CACNA1E: variants seen among roughly 807,000 people sequenced by gnomAD.
The protein encoded by CACNA1E is calcium voltage-gated channel subunit alpha1 E, also known as voltage-dependent R-type calcium channel subunit alpha-1E.
Under a neutral mutation model 259.2 loss-of-function variants are expected in CACNA1E, and 40 were observed. That is an observed-to-expected ratio of 0.15 (90% CI 0.12 to 0.20). The LOEUF is 0.20. Ranked by LOEUF, CACNA1E falls within the 10% of genes least tolerant of loss-of-function variation. CACNA1E has a pLI of 1.00. For synonymous variants in CACNA1E, 1,104 were observed against 1,138.5 expected, an observed-to-expected ratio of 0.97 and a Z score of 0.61; for missense variants, 1,874 against 3,040.1, an observed-to-expected ratio of 0.62 and a Z score of 9.02.
At chr1:181,788,627 G>A (rs1485279133) in intron 43 of CACNA1E, among the ~76,000 whole-genome samples, 1 of 152,154 alleles carries the variant, frequency 6.6e-6, no homozygotes, top group Non-Finnish European at 1.5e-5. Flanking sequence ...CGCCATGTCT[G>A]GAGTTCAGGG....
intron 1 of CACNA1E, among the ~76,000 whole-genome samples, chr1:181,348,607 G>C (rs1184011559): frequency 7.0e-6 from 1 of 142,150 alleles, no homozygotes; most frequent in Non-Finnish European, 1.6e-5. Flanking sequence ...GTGTTGGGTG[G>C]GTGTATTGTT....
Position 181,733,498 on chromosome 1 carries a change from AC to A in CACNA1E, c.3016del (p.Leu1006Ter). ...GLAGGLDEAD[T>X]PLVLPHPELE... ...GGCAGGAGGCCTTGATGAGGCTGAC[AC>A]CCCCCTAGTCCTGCCCCATCCTGAG... is the stretch of plus-strand genomic sequence containing the variant. On this transcript the variant is annotated frameshift_variant, in exon 21 of 48. Transcript: ENST00000367573. LOFTEE classifies it high-confidence loss of function. 1 of 1,589,156 alleles carries A rather than the reference AC, an allele frequency of 6.3e-7. No individual in the cohort carries two copies. The highest frequency in any genetic ancestry group is 8.6e-7 in the Non-Finnish European group (1 of 1,166,480).
chr1:181,435,676 T>C (rs540896851), intron 2 of CACNA1E, among the ~76,000 whole-genome samples: 1 of 152,316 alleles, frequency 6.6e-6, no homozygotes, highest in East Asian at 1.9e-4. Context: ...AGGCTCCCAA[T>C]ATATATTATT....
chr1:181,593,620 C>A (rs1473331045), intron 6 of CACNA1E, among the ~76,000 whole-genome samples: 2 of 152,130 alleles, frequency 1.3e-5, no homozygotes, highest in African/African-American at 4.8e-5. Context: ...TTCACTGCAA[C>A]CTCCTCCGCT....
chr1:181,787,162 C>T (rs915683584), intron 43 of CACNA1E, among the ~76,000 whole-genome samples: 6 of 152,152 alleles, frequency 3.9e-5, no homozygotes, highest in Admixed American at 2.6e-4. Flanking sequence ...CTCTGTTGCC[C>T]AGGCTGGAGT....
At chr1:181,393,748 G>A (rs1158071609) in intron 1 of CACNA1E, among the ~76,000 whole-genome samples, 1 of 152,168 alleles carries the variant, frequency 6.6e-6, no homozygotes, top group African/African-American at 2.4e-5. Context: ...GTGTGCCCCC[G>A]TGCCTGGCCA....
chr1:181,363,459 T>G (rs1443028239), intron 1 of CACNA1E, among the ~76,000 whole-genome samples: 2 of 152,122 alleles, frequency 1.3e-5, no homozygotes, highest in Admixed American at 6.5e-5. Context: ...AAATAAAGAT[T>G]GATATGCAAA....
intron 2 of CACNA1E, among the ~76,000 whole-genome samples, chr1:181,437,714 C>G (rs1660186509): frequency 2.6e-5 from 4 of 152,198 alleles, no homozygotes; most frequent in Admixed American, 2.6e-4. Flanking sequence ...ATTCCAGTCT[C>G]TGTTGCTGGT....
chr1:181,642,754 T>A (rs115042647), intron 6 of CACNA1E, among the ~76,000 whole-genome samples: 1 of 152,340 alleles, frequency 6.6e-6, no homozygotes, highest in Non-Finnish European at 1.5e-5. Context: ...ATCAACACAC[T>A]GGCCTTTTCC....
chr1:181,449,527 A>C (rs1661013321), intron 2 of CACNA1E, among the ~76,000 whole-genome samples: 1 of 152,176 alleles, frequency 6.6e-6, no homozygotes, highest in African/African-American at 2.4e-5. Flanking sequence ...ACTTGCTTTT[A>C]GGCCCTGGCT....
chr1:181,675,911 A>G (rs1424773238), intron 7 of CACNA1E, among the ~76,000 whole-genome samples: 4 of 152,186 alleles, frequency 2.6e-5, no homozygotes, highest in African/African-American at 9.7e-5. Flanking sequence ...TTGAGAACCC[A>G]TTGCAAGCCA....
intron 40 of CACNA1E, 49 bp downstream of exon 40, chr1:181,783,833 C>T: frequency 8.5e-7 from 1 of 1,170,362 alleles, no homozygotes. Context: ...TCTGGAACAA[C>T]TCATGCAGGT....
intron 1 of CACNA1E, among the ~76,000 whole-genome samples, chr1:181,355,055 G>A (rs887872583): frequency 6.6e-6 from 1 of 152,198 alleles, no homozygotes; most frequent in African/African-American, 2.4e-5. Context: ...CCCAGAGAAA[G>A]GTGCAAATTT....
chr1:181,630,598 C>T (rs191246322), intron 6 of CACNA1E, among the ~76,000 whole-genome samples: 164 of 152,196 alleles, frequency 1.1e-3, no homozygotes, highest in Non-Finnish European at 1.4e-3. Context: ...TGAACACACT[C>T]CAGGCACCTC....
intron 3 of CACNA1E, among the ~76,000 whole-genome samples, chr1:181,567,132 A>T (rs970753366): frequency 2.0e-5 from 3 of 152,138 alleles, no homozygotes; most frequent in African/African-American, 4.8e-5. Flanking sequence ...TTTTATTCTC[A>T]TCAAAAGGCA....
At chr1:181,687,125 A>C (rs2102300469) in intron 7 of CACNA1E, among the ~76,000 whole-genome samples, 1 of 152,250 alleles carries the variant, frequency 6.6e-6, no homozygotes, top group African/African-American at 2.4e-5. Context: ...ACTTCATTTG[A>C]AGGGAGGAAT....
chr1:181,781,720 T>C (rs545555725), intron 39 of CACNA1E, among the ~76,000 whole-genome samples, 197 bp downstream of exon 39: 33 of 152,338 alleles, frequency 2.2e-4, no homozygotes, highest in African/African-American at 7.9e-4. Flanking sequence ...GAATGGTTTT[T>C]AATACTGTTC....
At chr1:181,662,185 A>G (rs1232369981) in intron 7 of CACNA1E, among the ~76,000 whole-genome samples, 1 of 152,188 alleles carries the variant, frequency 6.6e-6, no homozygotes, top group Non-Finnish European at 1.5e-5. Context: ...TTTCCCCAAG[A>G]CACTGCTTAG....
At chr1:181,619,576 G>A (rs1300338429) in intron 6 of CACNA1E, among the ~76,000 whole-genome samples, 1 of 152,184 alleles carries the variant, frequency 6.6e-6, no homozygotes, top group Non-Finnish European at 1.5e-5. Context: ...GCTTTGTTGG[G>A]AATGGACTGA....
Sources: allele counts gnomAD v4.1 joint callset (sites outside exome capture counted in the v4.1 genomes callset), GRCh38; gene constraint gnomAD v4.1.1; transcripts MANE v1.5; gene names NCBI Gene and HGNC (gene_info 2026-07-23, HGNC 2026-07-21).